GPBP1: variants seen among roughly 807,000 people sequenced by gnomAD.
GPBP1 encodes the protein vasculin.
A neutral mutation model predicts 56.5 loss-of-function variants in GPBP1; 13 were observed. The observed-to-expected ratio is 0.23, with a 90% CI of 0.15 to 0.37. The LOEUF is 0.37. GPBP1 is among the 10% of genes least tolerant of loss of function. The probability of loss-of-function intolerance (pLI) is 1.00; values close to 1 mark genes in which losing one functional copy is unlikely to be tolerated. For synonymous variants in GPBP1, 204 were observed against 188.9 expected (o/e 1.08, Z -0.66); for missense variants, 477 against 572.3 (o/e 0.83, Z 1.70).
At chr5:57,201,120 G>A (rs1050466865) in intron 2 of GPBP1, among the ~76,000 whole-genome samples, 3 of 152,148 alleles carry the variant, frequency 2.0e-5, no homozygotes, top group Non-Finnish European at 2.9e-5. Context: ...CACTGCGCTC[G>A]GCCATGAGCC....
intron 10 of GPBP1, among the ~76,000 whole-genome samples, chr5:57,256,480 A>G (rs55899614): frequency 0.29 from 43,225 of 150,932 alleles, 6,715 homozygotes; most frequent in East Asian, 0.72. Context: ...AGGTTACTTT[A>G]AAAGTTTTAA....
intron 6 of GPBP1, among the ~76,000 whole-genome samples, chr5:57,239,379 A>G (rs188481839): frequency 6.6e-6 from 1 of 152,322 alleles, no homozygotes; most frequent in East Asian, 1.9e-4. Context: ...TTAAAGGGGG[A>G]AAGTACCATA....
chr5:57,248,377 C>T (rs1169799441), intron 8 of GPBP1, among the ~76,000 whole-genome samples: 2 of 150,904 alleles, frequency 1.3e-5, no homozygotes. Context: ...ATTATTATAC[C>T]TGAAATTGCT....
At chr5:57,208,659 T>C (rs998335076) in intron 2 of GPBP1, among the ~76,000 whole-genome samples, 29 of 147,562 alleles carry the variant, frequency 2.0e-4, no homozygotes, top group South Asian at 1.1e-3. Flanking sequence ...GTTTTTCTTT[T>C]TTTTTTTTTT....
At chr5:57,259,578 C>T (rs1487880993) in intron 10 of GPBP1, among the ~76,000 whole-genome samples, 1 of 152,186 alleles carries the variant, frequency 6.6e-6, no homozygotes, top group Non-Finnish European at 1.5e-5. Context: ...CGTGTCAGTG[C>T]TGTCTTTTTT....
intron 2 of GPBP1, among the ~76,000 whole-genome samples, chr5:57,187,901 A>G (rs758325048): frequency 7.1e-6 from 1 of 141,026 alleles, no homozygotes; most frequent in South Asian, 2.3e-4. Context: ...ATATATATAT[A>G]TGTATAATGT....
intron 2 of GPBP1, among the ~76,000 whole-genome samples, chr5:57,180,581 T>G (rs1249008080): frequency 2.0e-5 from 3 of 152,218 alleles, no homozygotes; most frequent in Non-Finnish European, 4.4e-5. Flanking sequence ...GCTGAGGGTT[T>G]GGAAGGGAAC....
chr5:57,177,889 A>G (rs1165245157), intron 2 of GPBP1, among the ~76,000 whole-genome samples: 1 of 151,616 alleles, frequency 6.6e-6, no homozygotes, highest in Non-Finnish European at 1.5e-5. Context: ...TTTTTGCTTA[A>G]ACTGTTGAAT....
At chr5:57,202,569 A>G (rs1007908950) in intron 2 of GPBP1, among the ~76,000 whole-genome samples, 2 of 152,162 alleles carry the variant, frequency 1.3e-5, no homozygotes, top group African/African-American at 4.8e-5. Flanking sequence ...GATTGCAGGC[A>G]TGAGCCACCG....
At chr5:57,195,953 A>G (rs1754721976) in intron 2 of GPBP1, among the ~76,000 whole-genome samples, 1 of 125,300 alleles carries the variant, frequency 8.0e-6, no homozygotes, top group Admixed American at 1.0e-4. Context: ...TAGTGAGCTG[A>G]GATCGTGACA....
At chr5:57,209,719 A>C (rs866401773) in intron 2 of GPBP1, among the ~76,000 whole-genome samples, 5 of 152,146 alleles carry the variant, frequency 3.3e-5, no homozygotes, top group Middle Eastern at 3.4e-3. Flanking sequence ...GATTTTGTCA[A>C]ATGCTTTTTC....
At chr5:57,257,575 AC>A (rs1263647892) in intron 10 of GPBP1, among the ~76,000 whole-genome samples, 1 of 152,172 alleles carries the variant, frequency 6.6e-6, no homozygotes, top group Non-Finnish European at 1.5e-5. Context: ...TGACTTGGGT[AC>A]CAGTCAGAGG....
rs529986801 is a variant in GPBP1 at position 57,199,151 on chromosome 5, A to G, written c.-57-14923A>G. ...AGAATACTACTATATCAATTCCACA[A>G]TATTTATGTTCTTTTAACATACAAA... is the stretch of plus-strand genomic sequence containing the variant. On this transcript the variant is annotated intron_variant, in intron 2 of 11. Coordinates refer to ENST00000506184, the MANE Select transcript of GPBP1 (RefSeq NM_022913.4). Among the ~76,000 whole-genome samples the G allele has an allele frequency of 2.6e-5, 4 of 152,258 alleles. No homozygotes were observed. The South Asian group carries it at 6.2e-4, about 24-fold the overall frequency.
At chr5:57,239,145 A>G (rs1740691004) in intron 6 of GPBP1, among the ~76,000 whole-genome samples, 1 of 152,246 alleles carries the variant, frequency 6.6e-6, no homozygotes, top group Admixed American at 6.5e-5. Flanking sequence ...TCTGTCTTAT[A>G]TGAAAACAGT....
intron 10 of GPBP1, among the ~76,000 whole-genome samples, chr5:57,258,730 C>T (rs1741770404): frequency 6.6e-6 from 1 of 152,132 alleles, no homozygotes; most frequent in African/African-American, 2.4e-5. Context: ...ATCCTCCCAC[C>T]TCGGTCTCTC....
intron 5 of GPBP1, among the ~76,000 whole-genome samples, chr5:57,235,440 C>T (rs533548898): frequency 1.9e-4 from 29 of 150,488 alleles, no homozygotes; most frequent in Non-Finnish European, 4.0e-4. Flanking sequence ...TAAATGAAAG[C>T]AAGTTTATTA....
At chr5:57,187,278 T>A (rs1359487660) in intron 2 of GPBP1, among the ~76,000 whole-genome samples, 1 of 152,168 alleles carries the variant, frequency 6.6e-6, no homozygotes, top group Non-Finnish European at 1.5e-5. Context: ...ATGTTAGATA[T>A]CTAATTCATA....
chr5:57,232,974 A>G (rs1177135207), intron 5 of GPBP1, among the ~76,000 whole-genome samples: 1 of 152,202 alleles, frequency 6.6e-6, no homozygotes, highest in Non-Finnish European at 1.5e-5. Context: ...GAGAGAGGAA[A>G]GGATTTAAAT....
At chr5:57,234,341 C>T (rs921281685) in intron 5 of GPBP1, among the ~76,000 whole-genome samples, 1 of 152,194 alleles carries the variant, frequency 6.6e-6, no homozygotes, top group East Asian at 1.9e-4. Flanking sequence ...ATTCAATGCT[C>T]ATCTCACTTT....
Sources: allele counts gnomAD v4.1 joint callset (sites outside exome capture counted in the v4.1 genomes callset), GRCh38; gene constraint gnomAD v4.1.1; transcripts MANE v1.5; gene names NCBI Gene and HGNC (gene_info 2026-07-23, HGNC 2026-07-21).